The following FNDC3B variants were observed in gnomAD, a reference collection of about 807,000 sequenced individuals.
The protein encoded by FNDC3B is fibronectin type III domain containing 3B, also known as fibronectin type III domain-containing protein 3B.
FNDC3B carries 12 observed loss-of-function variants against 151.5 expected under a neutral mutation model. The observed-to-expected ratio is 0.08, with a 90% CI of 0.05 to 0.13. The LOEUF is 0.13. FNDC3B is among the 10% of genes least tolerant of loss of function. FNDC3B has a pLI of 1.00. For missense variants in FNDC3B, 1,214 were observed against 1,505.3 expected (o/e 0.81, Z 3.20); for synonymous variants, 528 against 549.0 (o/e 0.96, Z 0.54).
chr3:172,336,206 C>G (rs1576923166), intron 15 of FNDC3B, among the ~76,000 whole-genome samples: 1 of 152,134 alleles, frequency 6.6e-6, no homozygotes. Context: ...ATAAGTAAAA[C>G]TTAAGATTTT....
At chr3:172,259,327 A>C (rs1437092933) in intron 6 of FNDC3B, among the ~76,000 whole-genome samples, 2 of 152,308 alleles carry the variant, frequency 1.3e-5, no homozygotes, top group Non-Finnish European at 1.5e-5. Context: ...GAAACTGGAC[A>C]ATTAACATCG....
chr3:172,071,592 C>T (rs1488643879), intron 1 of FNDC3B, among the ~76,000 whole-genome samples: 2 of 151,398 alleles, frequency 1.3e-5, no homozygotes, highest in African/African-American at 4.9e-5. Context: ...TTTTTTTATT[C>T]TCTGTGAAGA....
chr3:172,326,014 C>A lies in FNDC3B; in HGVS notation c.1255-2938C>A, dbSNP rs181092268. Among the ~76,000 whole-genome samples, 619 of 152,218 alleles carry A rather than the reference C, an allele frequency of 4.1e-3. 6 individuals are homozygous for A. The highest frequency in any genetic ancestry group is 3.4e-3 in the Middle Eastern group (1 of 294). ...AATGTCTTTGTATTTTTAGTAGAGA[C>A]GGTGTTTCACCATGTTGGCCAGGCT... On this transcript the variant is annotated intron_variant, in intron 11 of 25. Coordinates refer to ENST00000415807, the MANE Select transcript of FNDC3B (RefSeq NM_022763.4).
intron 2 of FNDC3B, among the ~76,000 whole-genome samples, chr3:172,114,030 T>C (rs1170512280): frequency 6.6e-6 from 1 of 152,182 alleles, no homozygotes; most frequent in Non-Finnish European, 1.5e-5. Flanking sequence ...TGCTTTCCCT[T>C]TTGCCCCACC....
At chr3:172,272,580 A>G (rs1411423820) in intron 6 of FNDC3B, among the ~76,000 whole-genome samples, 1 of 152,190 alleles carries the variant, frequency 6.6e-6, no homozygotes, top group Non-Finnish European at 1.5e-5. Context: ...TACATGTTTT[A>G]GGGAATTTTT....
At chr3:172,084,324 G>A (rs1392256388) in intron 1 of FNDC3B, among the ~76,000 whole-genome samples, 1 of 152,036 alleles carries the variant, frequency 6.6e-6, no homozygotes, top group African/African-American at 2.4e-5. Flanking sequence ...GGTGGTGCAC[G>A]CTTGTAGGCC....
At chr3:172,274,138 A>G (rs11713301) in intron 6 of FNDC3B, among the ~76,000 whole-genome samples, 9,189 of 152,260 alleles carry the variant, frequency 0.06, 357 homozygotes, top group Non-Finnish European at 0.075. Flanking sequence ...GAGAATTATT[A>G]TAGGATATGG....
intron 1 of FNDC3B, among the ~76,000 whole-genome samples, chr3:172,054,530 G>GCC (rs974298246): frequency 7.9e-5 from 12 of 152,176 alleles, no homozygotes; most frequent in Non-Finnish European, 1.6e-4. Flanking sequence ...TGAAGATGCA[G>GCC]CCCCCAAGGC....
chr3:172,151,144 C>G (rs373089572), intron 3 of FNDC3B, among the ~76,000 whole-genome samples: 7 of 152,046 alleles, frequency 4.6e-5, no homozygotes, highest in Non-Finnish European at 7.4e-5. Context: ...ATGCGGAAAG[C>G]CTTATTTATT....
intron 6 of FNDC3B, among the ~76,000 whole-genome samples, chr3:172,265,755 A>G (rs1240120574): frequency 6.6e-6 from 1 of 152,206 alleles, no homozygotes; most frequent in East Asian, 1.9e-4. Flanking sequence ...ATTCAATTTC[A>G]TAAGTCTTCA....
At chr3:172,106,925 G>C (rs1719683921) in intron 1 of FNDC3B, among the ~76,000 whole-genome samples, 1 of 152,182 alleles carries the variant, frequency 6.6e-6, no homozygotes, top group Non-Finnish European at 1.5e-5. Context: ...TTCTTTTAAA[G>C]TTTTCTTTAA....
At chr3:172,310,675 G>C (rs1576898072) in intron 10 of FNDC3B, among the ~76,000 whole-genome samples, 153 bp from the exon 11 acceptor site, 1 of 152,236 alleles carries the variant, frequency 6.6e-6, no homozygotes, top group Admixed American at 6.5e-5. Context: ...AGTGTATGAT[G>C]ATGATTGACC....
intron 2 of FNDC3B, among the ~76,000 whole-genome samples, chr3:172,116,536 G>T (rs138365355): frequency 7.3e-4 from 110 of 151,720 alleles, no homozygotes; most frequent in Non-Finnish European, 1.2e-3. Flanking sequence ...CATAACATTT[G>T]GTCTTTTGTG....
At chr3:172,192,460 C>T (rs1724575032) in intron 3 of FNDC3B, among the ~76,000 whole-genome samples, 1 of 152,044 alleles carries the variant, frequency 6.6e-6, no homozygotes, top group African/African-American at 2.4e-5. Context: ...GCTAGGATTA[C>T]AGGTGTGAGC....
chr3:172,179,613 G>T (rs1404985041), intron 3 of FNDC3B, among the ~76,000 whole-genome samples: 1 of 151,236 alleles, frequency 6.6e-6, no homozygotes, highest in East Asian at 2.0e-4. Context: ...TGAGCATGGT[G>T]GCTCCCGGCT....
intron 2 of FNDC3B, among the ~76,000 whole-genome samples, chr3:172,129,734 A>T (rs1720975721): frequency 2.0e-5 from 3 of 152,234 alleles, no homozygotes; most frequent in Non-Finnish European, 2.9e-5. Context: ...AGCTTAGAGG[A>T]TGCTCCCATG....
At chr3:172,327,552 C>T (rs1302710226) in intron 11 of FNDC3B, among the ~76,000 whole-genome samples, 1 of 152,216 alleles carries the variant, frequency 6.6e-6, no homozygotes, top group Non-Finnish European at 1.5e-5. Context: ...CAGCACCCGC[C>T]ACCAAGCCTG....
At position 172,298,797 on chromosome 3, in the gene FNDC3B, G is replaced by C. The variant is rs180842271; in HGVS notation, c.1061+10G>C. Reference sequence around the variant, plus strand: ...CAGATTATCATGTGAGGTGAGTTAGGATATAAGAGCCAAACTGTATTGGAG... The same window carrying C: ...CAGATTATCATGTGAGGTGAGTTAGCATATAAGAGCCAAACTGTATTGGAG... On this transcript the variant is annotated intron_variant, in intron 9 of 25. Transcript: ENST00000415807. 292 of 1,595,814 alleles carry C rather than the reference G, an allele frequency of 1.8e-4. 2 individuals carry two copies. The East Asian group carries it at 5.7e-3, about 31-fold the overall frequency.
intron 14 of FNDC3B, among the ~76,000 whole-genome samples, chr3:172,333,569 C>A (rs1397870089): frequency 6.9e-6 from 1 of 144,052 alleles, no homozygotes; most frequent in Non-Finnish European, 1.5e-5. Context: ...TGGTCTCAAT[C>A]TCCTGACCTC....
Sources: gnomAD v4.1 joint callset for allele counts (sites outside exome capture counted in the v4.1 genomes callset) on GRCh38, gnomAD v4.1.1 for gene constraint, MANE v1.5 for transcripts, NCBI Gene and HGNC (gene_info 2026-07-23, HGNC 2026-07-21) for gene names.